Variants in AGO3 observed in about 807,000 individuals in gnomAD.
AGO3 encodes the protein argonaute RISC catalytic component 3, also known as protein argonaute-3.
AGO3 carries 16 observed loss-of-function variants against 105.5 expected under a neutral mutation model. The ratio of observed to expected loss-of-function variants is 0.15; its 90% CI spans 0.10 to 0.23. AGO3 has a LOEUF of 0.23. AGO3 is among the 10% of genes least tolerant of loss of function. The pLI, the probability that AGO3 is intolerant of heterozygous loss-of-function variation, is 1.00. For missense variants in AGO3, 534 were observed against 1,088.0 expected (o/e 0.49, Z 7.16); for synonymous variants, 340 against 367.3 (o/e 0.93, Z 0.85).
chr1:36,039,092 A>C (rs932283133), intron 14 of AGO3, among the ~76,000 whole-genome samples: 2 of 152,192 alleles, frequency 1.3e-5, no homozygotes, highest in East Asian at 1.9e-4. Flanking sequence ...CAAAGAATCT[A>C]ATTGTTAAAT....
intron 13 of AGO3, among the ~76,000 whole-genome samples, chr1:36,035,558 C>T (rs781756092): frequency 2.0e-5 from 3 of 152,050 alleles, no homozygotes; most frequent in Non-Finnish European, 4.4e-5. Flanking sequence ...TTCCTTTTTC[C>T]CTTGAGAGAT....
chr1:36,048,636 T>G (rs899794764), intron 17 of AGO3, among the ~76,000 whole-genome samples: 2 of 152,252 alleles, frequency 1.3e-5, no homozygotes, highest in Admixed American at 1.3e-4. Context: ...GGAATAGGCC[T>G]TCACCTATCA....
At chr1:35,938,656 A>G (rs2148742382) in intron 1 of AGO3, among the ~76,000 whole-genome samples, 1 of 143,774 alleles carries the variant, frequency 7.0e-6, no homozygotes, top group South Asian at 2.1e-4. Flanking sequence ...TATTATGACT[A>G]AAACTTTGTA....
At chr1:36,043,313 C>A in intron 16 of AGO3, 134 bp from the exon 17 acceptor site, 2 of 694,812 alleles carry the variant, frequency 2.9e-6, no homozygotes, top group Non-Finnish European at 4.9e-6. Flanking sequence ...CTCTGAATGA[C>A]TGCTTAAGTC....
chr1:35,965,382 TG>T (rs1646753351), intron 2 of AGO3, among the ~76,000 whole-genome samples: 1 of 149,704 alleles, frequency 6.7e-6, no homozygotes, highest in Non-Finnish European at 1.5e-5. Flanking sequence ...CTCAGCTACT[TG>T]GGAGGCTGAG....
At chr1:36,023,906 C>G (rs1224448239) in intron 11 of AGO3, among the ~76,000 whole-genome samples, 2 of 152,120 alleles carry the variant, frequency 1.3e-5, no homozygotes, top group Non-Finnish European at 1.5e-5. Context: ...TCTTCAGATT[C>G]TGTCCTTCAA....
chr1:35,989,350 C>G (rs887458957), intron 5 of AGO3, among the ~76,000 whole-genome samples: 2 of 152,112 alleles, frequency 1.3e-5, no homozygotes, highest in African/African-American at 2.4e-5. Context: ...ATCTAAGACT[C>G]AAAATTTTTT....
At chr1:35,945,598 C>A in intron 1 of AGO3, 94 bp from the exon 2 acceptor site, 1 of 1,252,168 alleles carries the variant, frequency 8.0e-7, no homozygotes, top group Non-Finnish European at 1.1e-6. Flanking sequence ...TAGCCATTAT[C>A]AGCTGTACTT....
At chr1:35,934,801 C>A (rs1277718900) in intron 1 of AGO3, among the ~76,000 whole-genome samples, 1 of 152,068 alleles carries the variant, frequency 6.6e-6, no homozygotes, top group Non-Finnish European at 1.5e-5. Flanking sequence ...CAGGCGCGCA[C>A]CACCATGCCT....
At position 36,043,371 on chromosome 1, in the gene AGO3, A is replaced by G. The variant is rs139809535; in HGVS notation, c.2173-76A>G. The stretch of plus-strand genomic sequence containing the variant: ...AAATGTAGGATCAGCCTATGTATTC[A>G]TACATTTTTTAAAGTGCTTTCAGAT... On this transcript the variant is annotated intron_variant, in intron 16 of 18. Transcript: ENST00000373191. 3.5e-6 allele frequency: 4 copies of G among 1,146,138 alleles called. No homozygotes were observed. In the East Asian group the frequency reaches 9.7e-5, roughly 28 times the overall value. 71.0% of individuals were successfully genotyped at this position (1,146,138 alleles called of 1,614,324 possible).
chr1:36,013,548 G>GA (rs1290446656), intron 9 of AGO3, 82 bp from the exon 10 acceptor site: 34 of 1,542,934 alleles, frequency 2.2e-5, no homozygotes, highest in East Asian at 1.1e-4. Context: ...ACACAGTGAA[G>GA]AAAAAAAAGA....
intron 1 of AGO3, among the ~76,000 whole-genome samples, chr1:35,938,539 C>G (rs1400703727): frequency 6.6e-6 from 1 of 152,136 alleles, no homozygotes; most frequent in Non-Finnish European, 1.5e-5. Flanking sequence ...TCATTACTTA[C>G]ATCTATATAA....
intron 11 of AGO3, among the ~76,000 whole-genome samples, chr1:36,024,519 G>A (rs1168850328): frequency 6.6e-6 from 1 of 151,934 alleles, no homozygotes; most frequent in African/African-American, 2.4e-5. Flanking sequence ...TTATCTATCT[G>A]CTCTCCTTTG....
At chr1:35,982,812 G>A in intron 5 of AGO3, 1 of 547,126 alleles carries the variant, frequency 1.8e-6, no homozygotes, top group Non-Finnish European at 3.3e-6. Context: ...TTTGGGTGTA[G>A]TACTGGTACA....
At chr1:36,033,065 AG>A (rs1334852377) in intron 12 of AGO3, among the ~76,000 whole-genome samples, 1 of 152,148 alleles carries the variant, frequency 6.6e-6, no homozygotes, top group African/African-American at 2.4e-5. Context: ...CCCAGAAGGC[AG>A]AGGTTGCAGT....
chr1:36,023,365 C>T (rs779964620), intron 11 of AGO3, among the ~76,000 whole-genome samples: 2 of 152,164 alleles, frequency 1.3e-5, no homozygotes, highest in Non-Finnish European at 2.9e-5. Flanking sequence ...CTTCTGACAC[C>T]ATCTGTTAAA....
chr1:35,964,800 C>G (rs1161417844), intron 2 of AGO3, among the ~76,000 whole-genome samples: 1 of 152,068 alleles, frequency 6.6e-6, no homozygotes, highest in Non-Finnish European at 1.5e-5. Flanking sequence ...TATTTTTTGA[C>G]TTTTTAATAG....
intron 2 of AGO3, among the ~76,000 whole-genome samples, chr1:35,963,213 G>T (rs1028581122): frequency 4.6e-5 from 7 of 152,166 alleles, no homozygotes; most frequent in Admixed American, 6.5e-5. Context: ...CATTGTTTTT[G>T]GGTGTTGCAA....
At chr1:35,984,665 A>G (rs1329845889) in intron 5 of AGO3, 5 of 152,220 alleles carry the variant, frequency 3.3e-5, no homozygotes, top group Admixed American at 6.5e-5. Context: ...CGAAAGCTCC[A>G]TGAAGGGATT....
Sources: allele counts gnomAD v4.1 joint callset (sites outside exome capture counted in the v4.1 genomes callset), GRCh38; gene constraint gnomAD v4.1.1; transcripts MANE v1.5; gene names NCBI Gene and HGNC (gene_info 2026-07-23, HGNC 2026-07-21).